INO80D: variants seen among roughly 807,000 people sequenced by gnomAD.
INO80D encodes the protein INO80 complex subunit D.
In INO80D, 21 loss-of-function variants were observed where a neutral mutation model predicts 87.6. The ratio of observed to expected loss-of-function variants is 0.24; its 90% CI spans 0.17 to 0.35. The LOEUF (loss-of-function observed/expected upper bound fraction) is 0.35, where lower values mean the gene tolerates loss of function less well. Ranked by LOEUF, INO80D falls within the 10% of genes least tolerant of loss-of-function variation. INO80D has a pLI of 1.00. For synonymous variants in INO80D, 440 were observed against 491.0 expected (o/e 0.90, Z 1.37); for missense variants, 982 against 1,280.7 (o/e 0.77, Z 3.56).
At chr2:206,037,509 A>G (rs818017) in intron 5 of INO80D, among the ~76,000 whole-genome samples, 97,273 of 152,090 alleles carry the variant, frequency 0.64, 31,908 homozygotes, top group South Asian at 0.74. Context: ...CCAACGAGCA[A>G]TTCAAACTCA....
At chr2:206,075,453 T>A (rs1458222388) in intron 1 of INO80D, among the ~76,000 whole-genome samples, 1 of 151,538 alleles carries the variant, frequency 6.6e-6, no homozygotes, top group Admixed American at 6.6e-5. Context: ...TTTTTTTTTT[T>A]AAAGACAGAA....
At chr2:206,016,526 G>A in intron 8 of INO80D, among the ~76,000 whole-genome samples, 1 of 152,188 alleles carries the variant, frequency 6.6e-6, no homozygotes. Context: ...ATGCTGAAAT[G>A]AGCTGAGACT....
intron 3 of INO80D, among the ~76,000 whole-genome samples, chr2:206,057,565 A>G (rs1325014585): frequency 2.0e-5 from 3 of 152,176 alleles, no homozygotes; most frequent in African/African-American, 7.2e-5. Context: ...AGGCGCTAAA[A>G]TAATTCCCTT....
intron 5 of INO80D, among the ~76,000 whole-genome samples, chr2:206,044,924 T>C (rs1689155565): frequency 6.6e-6 from 1 of 152,182 alleles, no homozygotes; most frequent in Admixed American, 6.5e-5. Flanking sequence ...CAATTGACTC[T>C]ATTGTGCTGT....
chr2:206,063,124 G>C, intron 2 of INO80D, 27 bp downstream of exon 2: 1 of 771,310 alleles, frequency 1.3e-6, no homozygotes, highest in Non-Finnish European at 2.1e-6. Flanking sequence ...GAATTTCACT[G>C]AGGGACTTCT....
intron 5 of INO80D, among the ~76,000 whole-genome samples, chr2:206,043,072 C>T (rs1033111263): frequency 6.6e-6 from 1 of 152,216 alleles, no homozygotes; most frequent in African/African-American, 2.4e-5. Context: ...AGACAACTGT[C>T]AGTTTTCTTT....
intron 5 of INO80D, among the ~76,000 whole-genome samples, chr2:206,030,590 TAGAC>T: frequency 6.6e-6 from 1 of 151,992 alleles, no homozygotes; most frequent in African/African-American, 2.4e-5. Context: ...GACACAGAGA[TAGAC>T]AGGATGGTGA....
intron 5 of INO80D, among the ~76,000 whole-genome samples, chr2:206,029,249 T>A (rs1688700920): frequency 6.6e-6 from 1 of 152,200 alleles, no homozygotes; most frequent in Non-Finnish European, 1.5e-5. Context: ...AGTCAGGGAT[T>A]ACATAAAGGA....
chr2:206,009,657 T>C lies in INO80D; in HGVS notation c.1680A>G (p.Lys560=). The part of the protein sequence containing the change: ...KRRRGPRRPQ[K]PIPPAVPQGN... ...CTTGGGGGACTGCAGGTGGAATGGG[T>C]TTTTGGGGTCGACGAGGTCCACGCC... is the stretch of plus-strand genomic sequence containing the variant. Residue 560 remains lysine (K), a synonymous_variant, in exon 9 of 11, where the codon AAA becomes AAG. Transcript: ENST00000403263. 6.2e-7 allele frequency: 1 copy of C among 1,613,760 alleles called. No individual in the cohort carries two copies. The highest frequency in any genetic ancestry group is 8.5e-7 in the Non-Finnish European group (1 of 1,179,826).
At chr2:206,014,608 G>A (rs980130518) in intron 8 of INO80D, among the ~76,000 whole-genome samples, 6 of 152,222 alleles carry the variant, frequency 3.9e-5, no homozygotes, top group East Asian at 1.9e-4. Context: ...CCCCAGCCAC[G>A]TGGAACTGTG....
rs1163570252 is a variant in INO80D at position 206,003,454 on chromosome 2, G to A, written c.*914C>T. On this transcript the variant is annotated 3_prime_UTR_variant, in exon 11 of 11. Coordinates refer to ENST00000403263, the MANE Select transcript of INO80D (RefSeq NM_017759.5). ...AAACAAATGTCTGAAAAGACAAAGT[G>A]ACCATCAGGCCCCAGAACCCCGGCA... 6.6e-6 allele frequency: 1 copy of A among 152,308 alleles called. No individual in the cohort carries two copies. Among genetic ancestry groups the A allele is most frequent in the East Asian group, 1.9e-4 (1 of 5,180 alleles). The allele number at this position is 152,308 out of a possible 1,614,324, so 9.4% of individuals were successfully genotyped here. A position where few individuals can be genotyped will look rare whatever the true frequency, so the allele number is the denominator to read the frequency against.
At chr2:206,072,773 T>C (rs1293865760) in intron 1 of INO80D, among the ~76,000 whole-genome samples, 2 of 152,066 alleles carry the variant, frequency 1.3e-5, no homozygotes, top group Non-Finnish European at 1.5e-5. Context: ...CCATAAAGCA[T>C]ACTTATTATA....
At chr2:206,043,688 C>T (rs909059513) in intron 5 of INO80D, among the ~76,000 whole-genome samples, 7 of 151,864 alleles carry the variant, frequency 4.6e-5, no homozygotes, top group East Asian at 2.0e-4. Flanking sequence ...GGGGTTTCAC[C>T]GCGTTAGCCA....
At position 206,000,273 on chromosome 2, in the gene INO80D, T is replaced by C. The variant is rs1434547652; in HGVS notation, c.*4095A>G. The C allele has an allele frequency of 6.6e-6, 1 of 151,914 alleles. No homozygotes were observed. The highest frequency in any genetic ancestry group is 2.4e-5 in the African/African-American group (1 of 41,320). The allele number at this position is 151,914 out of a possible 1,614,324, so 9.4% of individuals were successfully genotyped here. On this transcript the variant is annotated 3_prime_UTR_variant, in exon 11 of 11. Coordinates refer to ENST00000403263, the MANE Select transcript of INO80D (RefSeq NM_017759.5). ...AACCTCTTAATAAGTTTAGTGTTCA[T>C]ATACTCATCTTTTTGCAATACCAAC... is the stretch of plus-strand genomic sequence containing the variant.
chr2:206,078,894 T>A (rs1690197100), intron 1 of INO80D, among the ~76,000 whole-genome samples: 1 of 151,964 alleles, frequency 6.6e-6, no homozygotes, highest in African/African-American at 2.4e-5. Context: ...AGTGAGCCAA[T>A]CGCACCACTG....
rs1372527618 is a variant in INO80D at position 206,005,406 on chromosome 2, G to T, written c.2046C>A (p.Val682=). The change falls in exon 11 of 11, where the codon GTC becomes GTA. Residue 682 remains valine, a synonymous_variant. Coordinates refer to ENST00000403263, the MANE Select transcript of INO80D (RefSeq NM_017759.5). The part of the protein sequence containing the change: ...GVLAQSDGVP[V]QELSDRGIGV... ...CTATTCCTCTATCTGACAACTCCTG[G>T]ACTGGCACACCATCTGACTGGGCAA... 2 of 1,613,744 alleles carry T rather than the reference G, an allele frequency of 1.2e-6. No individual in the cohort carries two copies. Among genetic ancestry groups the T allele is most frequent in the Non-Finnish European group, 1.7e-6 (2 of 1,179,892 alleles).
chr2:206,006,625 A>G (rs1688032232), intron 10 of INO80D, among the ~76,000 whole-genome samples: 1 of 150,750 alleles, frequency 6.6e-6, no homozygotes. Context: ...AGAGGTTGCA[A>G]TGAGCCAAAA....
intron 1 of INO80D, among the ~76,000 whole-genome samples, chr2:206,080,672 C>A (rs1014878668): frequency 7.9e-5 from 12 of 151,948 alleles, no homozygotes; most frequent in Non-Finnish European, 1.6e-4. Context: ...CTTTGGGAGG[C>A]CAAGGCGGGC....
intron 5 of INO80D, among the ~76,000 whole-genome samples, chr2:206,041,580 A>C (rs1449515943): frequency 1.3e-5 from 2 of 152,250 alleles, no homozygotes; most frequent in African/African-American, 4.8e-5. Flanking sequence ...ATCCAAAAGG[A>C]GAAATAATCA....
Sources: gnomAD v4.1 joint callset for allele counts (sites outside exome capture counted in the v4.1 genomes callset) on GRCh38, gnomAD v4.1.1 for gene constraint, MANE v1.5 for transcripts, NCBI Gene and HGNC (gene_info 2026-07-23, HGNC 2026-07-21) for gene names.